Variants in HHAT observed in about 807,000 individuals in gnomAD.
HHAT encodes the protein hedgehog acyltransferase.
HHAT carries 47 observed loss-of-function variants against 70.8 expected under a neutral mutation model. That is an observed-to-expected ratio of 0.66 (90% CI 0.53 to 0.85). The LOEUF (loss-of-function observed/expected upper bound fraction) is 0.85, where lower values mean the gene tolerates loss of function less well. Ranked by LOEUF, HHAT falls within the 40% of genes least tolerant of loss-of-function variation. HHAT has a pLI of 0.00. For synonymous variants in HHAT, 228 were observed against 247.6 expected (o/e 0.92, Z 0.74); for missense variants, 609 against 604.8 (o/e 1.01, Z -0.07).
intron 10 of HHAT, among the ~76,000 whole-genome samples, chr1:210,603,174 G>A (rs1391200681): frequency 1.3e-5 from 2 of 152,154 alleles, no homozygotes; most frequent in African/African-American, 4.8e-5. Flanking sequence ...ATCATCGGCT[G>A]CTATCATGGC....
At chr1:210,385,285 A>G in intron 3 of HHAT, among the ~76,000 whole-genome samples, 1 of 134,836 alleles carries the variant, frequency 7.4e-6, no homozygotes, top group East Asian at 2.1e-4. Flanking sequence ...AGTTTGTATT[A>G]AAAAAGTGTC....
rs982478691 is a variant in HHAT at position 210,639,500 on chromosome 1, A to G, written c.1390+15830A>G. On this transcript the variant is annotated intron_variant, in intron 11 of 11. Transcript: ENST00000261458. Reference sequence around the variant, plus strand: ...TGCATAGATGTGGGGAGTTTGATACATAGCCAGCGTCTTGCTGAAATGGCA... The same window carrying G: ...TGCATAGATGTGGGGAGTTTGATACGTAGCCAGCGTCTTGCTGAAATGGCA... 2.0e-5 allele frequency among the ~76,000 whole-genome samples: 3 copies of G among 152,258 alleles called. No homozygotes were observed. The South Asian group carries it at 6.2e-4, about 32-fold the overall frequency.
At chr1:210,552,176 G>T (rs141795063) in intron 9 of HHAT, among the ~76,000 whole-genome samples, 1 of 152,122 alleles carries the variant, frequency 6.6e-6, no homozygotes, top group Non-Finnish European at 1.5e-5. Flanking sequence ...AGGATTATAC[G>T]CAGGGAAGCA....
At chr1:210,425,515 T>G (rs114055024) in intron 7 of HHAT, among the ~76,000 whole-genome samples, 2,990 of 152,290 alleles carry the variant, frequency 0.02, 118 homozygotes, top group East Asian at 0.15. Flanking sequence ...GGTTAATTTT[T>G]GTATGTGCTA....
chr1:210,457,001 C>G (rs1272802841), intron 7 of HHAT, among the ~76,000 whole-genome samples: 1 of 152,142 alleles, frequency 6.6e-6, no homozygotes. Flanking sequence ...GTCACATTTA[C>G]TGACTTTGGT....
intron 1 of HHAT, among the ~76,000 whole-genome samples, chr1:210,330,101 A>C (rs1410064555): frequency 6.6e-6 from 1 of 152,202 alleles, no homozygotes; most frequent in African/African-American, 2.4e-5. Context: ...GTGCTATGGG[A>C]ATGCAAGGAG....
intron 9 of HHAT, among the ~76,000 whole-genome samples, chr1:210,551,800 G>A (rs539914509): frequency 1.6e-4 from 24 of 152,314 alleles, no homozygotes; most frequent in Admixed American, 9.8e-4. Flanking sequence ...GTAAATAGAC[G>A]TGCAAGCCTT....
chr1:210,633,908 C>T (rs978753640), intron 11 of HHAT, among the ~76,000 whole-genome samples: 1 of 152,176 alleles, frequency 6.6e-6, no homozygotes, highest in African/African-American at 2.4e-5. Flanking sequence ...GCTGACCACT[C>T]TTGCCCAGAG....
At chr1:210,425,003 A>G (rs2093019525) in intron 7 of HHAT, among the ~76,000 whole-genome samples, 1 of 152,196 alleles carries the variant, frequency 6.6e-6, no homozygotes, top group Non-Finnish European at 1.5e-5. Flanking sequence ...CAACCTGGCC[A>G]GCATCTGTTA....
At chr1:210,621,947 G>C (rs191897632) in intron 10 of HHAT, among the ~76,000 whole-genome samples, 1 of 152,282 alleles carries the variant, frequency 6.6e-6, no homozygotes, top group East Asian at 1.9e-4. Context: ...GGGGAGATGG[G>C]GTGACAGAGG....
chr1:210,510,104 A>G (rs2094929019), intron 8 of HHAT, among the ~76,000 whole-genome samples: 1 of 152,208 alleles, frequency 6.6e-6, no homozygotes, highest in African/African-American at 2.4e-5. Context: ...GTTATATTTT[A>G]TAATGCAGAA....
At chr1:210,566,827 A>G (rs1267305001) in intron 9 of HHAT, among the ~76,000 whole-genome samples, 4 of 152,208 alleles carry the variant, frequency 2.6e-5, no homozygotes, top group African/African-American at 9.7e-5. Flanking sequence ...GATGCTGGAC[A>G]AGAGCTTGGG....
At chr1:210,428,362 A>G (rs916651151) in intron 7 of HHAT, among the ~76,000 whole-genome samples, 3 of 135,248 alleles carry the variant, frequency 2.2e-5, no homozygotes, top group Admixed American at 7.7e-5. Context: ...GTAGTCTAAG[A>G]TTCATTTTAG....
At chr1:210,420,389 C>CT (rs1420546548) in intron 7 of HHAT, among the ~76,000 whole-genome samples, 1 of 152,116 alleles carries the variant, frequency 6.6e-6, no homozygotes, top group Non-Finnish European at 1.5e-5. Flanking sequence ...TTTGTCCGTT[C>CT]TACATATACG....
chr1:210,339,750 G>C (rs999978331), intron 1 of HHAT, among the ~76,000 whole-genome samples: 1 of 152,196 alleles, frequency 6.6e-6, no homozygotes, highest in African/African-American at 2.4e-5. Flanking sequence ...GAACAGAACT[G>C]TCCAGACTGC....
At chr1:210,671,501 T>C (rs1321903646) in intron 11 of HHAT, among the ~76,000 whole-genome samples, 5 of 152,210 alleles carry the variant, frequency 3.3e-5, no homozygotes, top group Non-Finnish European at 7.3e-5. Context: ...CATTTGGGAA[T>C]AGGTTCTTTA....
intron 2 of HHAT, among the ~76,000 whole-genome samples, chr1:210,359,639 C>T (rs1490573980): frequency 1.3e-5 from 2 of 152,146 alleles, no homozygotes; most frequent in Non-Finnish European, 2.9e-5. Flanking sequence ...ACCCCAGTCT[C>T]ACAAGGTCAG....
In HHAT at chr1:210,362,886, G is replaced by C. The variant is rs1454110592; in HGVS notation, c.126G>C (p.Leu42=). The part of the protein sequence containing the change: ...HEEELDQEFE[L]ETDTLFGGLK... ...AGGAGCTGGACCAGGAATTTGAGCT[G>C]GAGACTGACACTTTATTTGGAGGAT... is the stretch of plus-strand genomic sequence containing the variant. The change falls in exon 3 of 12, where the codon CTG becomes CTC. Residue 42 remains leucine, a synonymous_variant. Transcript: ENST00000261458. 19 of 1,613,642 alleles carry C rather than the reference G, an allele frequency of 1.2e-5. No homozygotes were observed. The highest frequency in any genetic ancestry group is 1.5e-5 in the Non-Finnish European group (18 of 1,179,682).
At chr1:210,499,644 C>A (rs1189863495) in intron 8 of HHAT, among the ~76,000 whole-genome samples, 8 of 148,558 alleles carry the variant, frequency 5.4e-5, no homozygotes, top group South Asian at 2.1e-4. Flanking sequence ...CTTTCTCTCT[C>A]AAAAAAAAAA....
Sources: allele counts gnomAD v4.1 joint callset (sites outside exome capture counted in the v4.1 genomes callset), GRCh38; gene constraint gnomAD v4.1.1; transcripts MANE v1.5; gene names NCBI Gene and HGNC (gene_info 2026-07-23, HGNC 2026-07-21).